SNX29: variants seen among roughly 807,000 people sequenced by gnomAD.
The protein encoded by SNX29 is sorting nexin-29.
Under a neutral mutation model 102.1 loss-of-function variants are expected in SNX29, and 78 were observed. That is an observed-to-expected ratio of 0.76 (90% CI 0.64 to 0.92). SNX29 has a LOEUF of 0.92. SNX29 is among the 40% of genes least tolerant of loss of function. The pLI is 0.00. For synonymous variants in SNX29, 580 were observed against 414.5 expected, an observed-to-expected ratio of 1.40 and a Z score of -4.85; for missense variants, 1,280 against 1,061.7, an observed-to-expected ratio of 1.21 and a Z score of -2.86.
intron 13 of SNX29, among the ~76,000 whole-genome samples, chr16:12,149,721 A>G (rs1597048114): frequency 6.6e-6 from 1 of 152,210 alleles, no homozygotes; most frequent in African/African-American, 2.4e-5. Context: ...TGAGGATTGA[A>G]TTACATAATG....
chr16:12,571,452 C>G lies in SNX29; in HGVS notation c.*2823C>G. On this transcript the variant is annotated 3_prime_UTR_variant, in exon 21 of 21. Transcript: ENST00000566228. ...TTACTCGGAGATTTTCAAACAACATCTGAGAACAGAAGCCCCCTCCCCTAC... is the reference window on the plus strand; with the variant it reads ...TTACTCGGAGATTTTCAAACAACATGTGAGAACAGAAGCCCCCTCCCCTAC... 8.3e-6 allele frequency: 2 copies of G among 241,024 alleles called. No individual in the cohort carries two copies. Among genetic ancestry groups the G allele is most frequent in the East Asian group, 1.2e-4 (2 of 16,366 alleles). 14.9% of individuals were successfully genotyped at this position (241,024 alleles called of 1,614,324 possible).
At chr16:12,064,187 G>A (rs549838606) in intron 9 of SNX29, among the ~76,000 whole-genome samples, 9 of 152,136 alleles carry the variant, frequency 5.9e-5, no homozygotes, top group African/African-American at 2.2e-4. Context: ...GCTTAGCTGG[G>A]CCCCCTGAAC....
intron 18 of SNX29, 137 bp downstream of exon 18, chr16:12,403,666 C>G (rs895166184): frequency 1.2e-6 from 1 of 828,284 alleles, no homozygotes; most frequent in African/African-American, 1.7e-5. Flanking sequence ...CACATCTTAA[C>G]TGCCCAGAGG....
chr16:12,461,760 C>G (rs1055969490), intron 18 of SNX29, among the ~76,000 whole-genome samples: 2 of 151,122 alleles, frequency 1.3e-5, no homozygotes. Context: ...AGTTCAAGAC[C>G]AGCTTGGCTA....
chr16:12,248,060 C>T (rs1182347096), intron 14 of SNX29, among the ~76,000 whole-genome samples: 3 of 152,186 alleles, frequency 2.0e-5, no homozygotes, highest in Non-Finnish European at 2.9e-5. Context: ...CGCTGCCCTC[C>T]CTGCTTTCAT....
rs369193532 is a variant in SNX29, at chr16:12,074,588, G to T, written c.1320-4245G>T. ...GGTAACCCGACCTTTCTCTCTGGCT[G>T]CCCTTAACATTTTTTCCTTCATTTC... On this transcript the variant is annotated intron_variant, in intron 10 of 20. Transcript: ENST00000566228. Among the ~76,000 whole-genome samples the T allele has an allele frequency of 2.1e-4, 32 of 152,242 alleles. No homozygotes were observed. In the East Asian group the frequency reaches 4.4e-3, roughly 21 times the overall value.
At chr16:12,347,839 A>C (rs2081861805) in intron 15 of SNX29, among the ~76,000 whole-genome samples, 1 of 150,546 alleles carries the variant, frequency 6.6e-6, no homozygotes, top group South Asian at 2.1e-4. Context: ...GCACTTCGGG[A>C]GGCTGAGGCA....
chr16:12,353,822 A>G (rs1324267643), intron 15 of SNX29, among the ~76,000 whole-genome samples: 1 of 152,254 alleles, frequency 6.6e-6, no homozygotes, highest in Non-Finnish European at 1.5e-5. Context: ...CTCTTAAAGC[A>G]GTGGAAGCAC....
At chr16:12,500,954 C>T (rs984360351) in intron 19 of SNX29, among the ~76,000 whole-genome samples, 7 of 152,178 alleles carry the variant, frequency 4.6e-5, no homozygotes, top group African/African-American at 1.7e-4. Context: ...GGCTCTGAGC[C>T]ACGCCTGTCA....
intron 11 of SNX29, among the ~76,000 whole-genome samples, chr16:12,116,777 G>A (rs1201151652): frequency 6.6e-6 from 1 of 152,252 alleles, no homozygotes; most frequent in East Asian, 1.9e-4. Flanking sequence ...GTGGAAACAG[G>A]CTTAGTCAAT....
At chr16:12,364,161 T>TTGTTATGTTATGTTA (rs56227162) in intron 16 of SNX29, among the ~76,000 whole-genome samples, 13,433 of 138,370 alleles carry the variant, frequency 0.097, 785 homozygotes, top group Admixed American at 0.16. Context: ...CCTGGCTTGT[T>TTGTTATGTTATGTTA]TGTTATGTTA....
At chr16:12,565,901 CATCCACCGTG>C (rs1439229471) in intron 20 of SNX29, among the ~76,000 whole-genome samples, 1 of 152,164 alleles carries the variant, frequency 6.6e-6, no homozygotes, top group African/African-American at 2.4e-5. Flanking sequence ...CTCATTGGGG[CATCCACCGTG>C]ATCCACCACA....
At chr16:12,161,242 C>T (rs1192487221) in intron 13 of SNX29, among the ~76,000 whole-genome samples, 2 of 152,222 alleles carry the variant, frequency 1.3e-5, no homozygotes, top group Non-Finnish European at 2.9e-5. Context: ...AGATGGGCTG[C>T]GTTTTCCCCT....
intron 20 of SNX29, among the ~76,000 whole-genome samples, chr16:12,544,525 G>A (rs1472972674): frequency 6.6e-6 from 1 of 152,198 alleles, no homozygotes; most frequent in Non-Finnish European, 1.5e-5. Context: ...GTGGGGAATT[G>A]TGTGGCCTAG....
At chr16:12,404,047 C>T (rs1348928509) in intron 18 of SNX29, among the ~76,000 whole-genome samples, 1 of 152,160 alleles carries the variant, frequency 6.6e-6, no homozygotes, top group Non-Finnish European at 1.5e-5. Flanking sequence ...GGGTGACGGA[C>T]TCTGTGACTG....
At chr16:12,212,543 C>T (rs1410713840) in intron 14 of SNX29, among the ~76,000 whole-genome samples, 3 of 152,128 alleles carry the variant, frequency 2.0e-5, no homozygotes, top group East Asian at 1.9e-4. Flanking sequence ...TCTGAGCTCA[C>T]GGAATAAGTT....
intron 14 of SNX29, among the ~76,000 whole-genome samples, chr16:12,258,163 C>CA (rs1390365994): frequency 6.6e-6 from 1 of 152,168 alleles, no homozygotes; most frequent in African/African-American, 2.4e-5. Context: ...GAAAGGCCTC[C>CA]AACAGCTTTG....
intron 15 of SNX29, among the ~76,000 whole-genome samples, chr16:12,292,053 G>C (rs2079815300): frequency 6.6e-6 from 1 of 152,194 alleles, no homozygotes; most frequent in African/African-American, 2.4e-5. Context: ...CAGATCTGCT[G>C]GTGGAGGGGT....
chr16:12,562,323 C>G (rs548552034), intron 20 of SNX29, among the ~76,000 whole-genome samples: 1 of 152,184 alleles, frequency 6.6e-6, no homozygotes, highest in Non-Finnish European at 1.5e-5. Context: ...TCCCAAGAAC[C>G]TGCAGGGCAG....
Sources: gnomAD v4.1 joint callset for allele counts (sites outside exome capture counted in the v4.1 genomes callset) on GRCh38, gnomAD v4.1.1 for gene constraint, MANE v1.5 for transcripts, NCBI Gene and HGNC (gene_info 2026-07-23, HGNC 2026-07-21) for gene names.